ZNF793: variants seen among roughly 807,000 people sequenced by gnomAD.
The protein encoded by ZNF793 is zinc finger protein 793.
In ZNF793, 5 loss-of-function variants were observed where a neutral mutation model predicts 12.4. That is an observed-to-expected ratio of 0.40 (90% CI 0.21 to 0.84). The LOEUF (loss-of-function observed/expected upper bound fraction) is 0.84, where lower values mean the gene tolerates loss of function less well. Ranked by LOEUF, ZNF793 falls within the 40% of genes least tolerant of loss-of-function variation. The probability of loss-of-function intolerance (pLI) is 0.35; values close to 1 mark genes in which losing one functional copy is unlikely to be tolerated. For missense variants in ZNF793, 456 were observed against 495.0 expected, an observed-to-expected ratio of 0.92 and a Z score of 0.75; for synonymous variants, 162 against 172.4, an observed-to-expected ratio of 0.94 and a Z score of 0.47.
At chr19:37,512,003 A>G (rs1395684436) in intron 2 of ZNF793, among the ~76,000 whole-genome samples, 1 of 151,950 alleles carries the variant, frequency 6.6e-6, no homozygotes, top group African/African-American at 2.4e-5. Context: ...TGACTCAACA[A>G]ATGCAGGGTT....
chr19:37,508,653 A>G (rs2042269555), intron 2 of ZNF793, among the ~76,000 whole-genome samples: 1 of 152,112 alleles, frequency 6.6e-6, no homozygotes, highest in Admixed American at 6.6e-5. Flanking sequence ...TTGCAGTGAA[A>G]CGAGATTGTA....
rs200203820 is a variant in ZNF793 at position 37,524,152 on chromosome 19, A to AAATAAT, written c.15+740_15+745dup. On this transcript the variant is annotated intron_variant, in intron 5 of 7. Transcript: ENST00000627814. ...GCAACAAGAGCAAAACTCCATCTCA[A>AAATAAT]AATAATAATAATAATAATAATAATA... Among the ~76,000 whole-genome samples, 1,017 of 138,932 alleles carry AAATAAT rather than the reference A, an allele frequency of 7.3e-3. 8 individuals carry two copies. Among genetic ancestry groups the AAATAAT allele is most frequent in the East Asian group, 0.053 (254 of 4,758 alleles). The allele number at this position is 138,932 out of a possible 152,430, so 91.1% of individuals were successfully genotyped here.
chr19:37,540,574 A>T lies in ZNF793; in HGVS notation c.*2695A>T, dbSNP rs559282807. The stretch of plus-strand genomic sequence containing the variant: ...GTTTTTCTTAAAAAAAATTTTTTTT[A>T]ACCCAAACCCCAAAGCATATATTAT... On this transcript the variant is annotated 3_prime_UTR_variant, in exon 8 of 8. Transcript: ENST00000627814. 6.8e-6 allele frequency: 1 copy of T among 146,488 alleles called. No homozygotes were observed. Among genetic ancestry groups the T allele is most frequent in the African/African-American group, 2.5e-5 (1 of 39,226 alleles). 9.1% of individuals were successfully genotyped at this position (146,488 alleles called of 1,614,324 possible). A position where few individuals can be genotyped will look rare whatever the true frequency, so the allele number is the denominator to read the frequency against.
chr19:37,529,309 C>T (rs1185498705), intron 5 of ZNF793, among the ~76,000 whole-genome samples: 1 of 152,114 alleles, frequency 6.6e-6, no homozygotes, highest in Admixed American at 6.5e-5. Flanking sequence ...CGGTTACTGT[C>T]CTGCTTGTGA....
At chr19:37,515,011 T>G (rs2042320213) in intron 2 of ZNF793, among the ~76,000 whole-genome samples, 1 of 152,238 alleles carries the variant, frequency 6.6e-6, no homozygotes, top group African/African-American at 2.4e-5. Context: ...ATGTCTCAAG[T>G]GAAAAGTCAG....
rs1481164576 is a variant in ZNF793, at chr19:37,537,852, A to C, written c.1194A>C (p.Glu398Asp). 1 of 1,601,730 alleles carries C rather than the reference A, an allele frequency of 6.2e-7. No individual in the cohort carries two copies. The highest frequency in any genetic ancestry group is 1.1e-5 in the South Asian group (1 of 90,028). ...IHARKNAYRN[E>D]NLIIVGNT is the part of the protein sequence containing the mutation. ...CTCGGAAGAATGCCTACAGGAATGA[A>C]AACTTAATAATTGTGGGAAATACTT... Residue 398 changes from glutamate to aspartate, a missense_variant, in exon 8 of 8, where the codon GAA becomes GAC. Coordinates refer to ENST00000627814, the MANE Select transcript of ZNF793 (RefSeq NM_001013659.3).
intron 5 of ZNF793, among the ~76,000 whole-genome samples, chr19:37,531,556 C>T (rs910756733): frequency 6.6e-6 from 1 of 152,132 alleles, no homozygotes; most frequent in African/African-American, 2.4e-5. Context: ...ACCGTTTTGC[C>T]CCCCGGCCTT....
chr19:37,513,366 C>G lies in ZNF793; in HGVS notation c.-276+4963C>G, dbSNP rs150266034. Among the ~76,000 whole-genome samples, 450 of 152,272 alleles carry G rather than the reference C, an allele frequency of 3.0e-3. 4 individuals are homozygous for G. The highest frequency in any genetic ancestry group is 0.01 in the African/African-American group (419 of 41,554). On this transcript the variant is annotated intron_variant, in intron 2 of 7. Transcript: ENST00000627814. The stretch of plus-strand genomic sequence containing the variant: ...CTTCCTTCTGTATTTATTGTAGAAG[C>G]TTTCCCTTTTCTTCATCTGGAGGAT...
intron 6 of ZNF793, among the ~76,000 whole-genome samples, chr19:37,532,687 C>T (rs144836298): frequency 0.011 from 1,642 of 152,072 alleles, 17 homozygotes; most frequent in African/African-American, 0.029. Flanking sequence ...GGTGTGGTGG[C>T]GGGCGCCTGT....
chr19:37,507,711 A>G (rs1056542256), intron 1 of ZNF793, among the ~76,000 whole-genome samples: 4 of 152,206 alleles, frequency 2.6e-5, no homozygotes, highest in Non-Finnish European at 5.9e-5. Context: ...TGTGAGAATC[A>G]ACAATTGATC....
intron 5 of ZNF793, among the ~76,000 whole-genome samples, chr19:37,527,078 G>T (rs1463010997): frequency 6.6e-6 from 1 of 152,170 alleles, no homozygotes; most frequent in East Asian, 1.9e-4. Context: ...CTCCTGAGTA[G>T]CTGGAATTAT....
intron 5 of ZNF793, among the ~76,000 whole-genome samples, chr19:37,524,329 A>AT (rs1286522291): frequency 1.3e-5 from 2 of 151,960 alleles, no homozygotes; most frequent in Non-Finnish European, 2.9e-5. Flanking sequence ...AAACCATACC[A>AT]TTTTTTTAAA....
chr19:37,514,645 C>T (rs2042317610), intron 2 of ZNF793, among the ~76,000 whole-genome samples: 1 of 151,708 alleles, frequency 6.6e-6, no homozygotes, highest in African/African-American at 2.4e-5. Flanking sequence ...AGGAATACAC[C>T]ATTACCCAAC....
At chr19:37,510,943 C>T (rs1478700331) in intron 2 of ZNF793, among the ~76,000 whole-genome samples, 1 of 151,866 alleles carries the variant, frequency 6.6e-6, no homozygotes, top group Non-Finnish European at 1.5e-5. Context: ...GTGATCCGCC[C>T]ACCTCAGTCT....
intron 2 of ZNF793, among the ~76,000 whole-genome samples, chr19:37,516,698 G>A (rs1478424102): frequency 1.3e-5 from 2 of 151,772 alleles, no homozygotes; most frequent in Non-Finnish European, 2.9e-5. Flanking sequence ...CCACACTGGA[G>A]TACAGTGGTA....
chr19:37,510,990 C>G (rs972608715), intron 2 of ZNF793, among the ~76,000 whole-genome samples: 16 of 152,012 alleles, frequency 1.1e-4, no homozygotes, highest in South Asian at 2.1e-4. Context: ...AGCCACCACA[C>G]CCGGCCAAAA....
In ZNF793 at chr19:37,523,391, T is replaced by TC. The variant is rs1403204678; in HGVS notation, c.-30-13dup. On this transcript the variant is annotated intron_variant, in intron 4 of 7. Transcript: ENST00000627814. The stretch of plus-strand genomic sequence containing the variant: ...TCTGTTCTCTCTTTCTCCATCTTCT[T>TC]CCCCCCACATGTCTACAGGTGTCAG... The TC allele has an allele frequency of 4.4e-6, 7 of 1,598,598 alleles. No individual in the cohort carries two copies. Among genetic ancestry groups the TC allele is most frequent in the East Asian group, 4.5e-5 (2 of 44,778 alleles).
At chr19:37,513,999 A>G (rs1275093043) in intron 2 of ZNF793, among the ~76,000 whole-genome samples, 1 of 152,212 alleles carries the variant, frequency 6.6e-6, no homozygotes, top group Non-Finnish European at 1.5e-5. Flanking sequence ...AAAGCTGATA[A>G]ATCTGATTTT....
chr19:37,508,263 A>G lies in ZNF793; in HGVS notation c.-414-2A>G, dbSNP rs936697124. The G allele has an allele frequency of 6.6e-6, 1 of 152,148 alleles. No individual in the cohort carries two copies. Among genetic ancestry groups the G allele is most frequent in the Non-Finnish European group, 1.5e-5 (1 of 68,044 alleles). The allele number at this position is 152,148 out of a possible 1,614,324, so 9.4% of individuals were successfully genotyped here. Reference sequence around the variant, plus strand: ...ATATTTTTTCCTAATGTTTCCTTTAAGGCTCTTTCTGGCAAAGGTAATGAC... The same window carrying G: ...ATATTTTTTCCTAATGTTTCCTTTAGGGCTCTTTCTGGCAAAGGTAATGAC... On this transcript the variant is annotated splice_acceptor_variant, in intron 1 of 7. Transcript: ENST00000627814. LOFTEE classifies it low-confidence loss of function (5UTR_SPLICE).
Sources: allele counts gnomAD v4.1 joint callset (sites outside exome capture counted in the v4.1 genomes callset), GRCh38; gene constraint gnomAD v4.1.1; transcripts MANE v1.5; gene names NCBI Gene and HGNC (gene_info 2026-07-23, HGNC 2026-07-21).